The following RAB10 variants were observed in gnomAD, a reference collection of about 807,000 sequenced individuals.
RAB10 encodes the protein ras-related protein Rab-10.
In RAB10, 5 loss-of-function variants were observed where a neutral mutation model predicts 25.7. The ratio of observed to expected loss-of-function variants is 0.19; its 90% CI spans 0.10 to 0.41. RAB10 has a LOEUF of 0.41. Ranked by LOEUF, RAB10 falls within the 10% of genes least tolerant of loss-of-function variation. The pLI, the probability that RAB10 is intolerant of heterozygous loss-of-function variation, is 1.00. For missense variants in RAB10, 103 were observed against 245.8 expected, an observed-to-expected ratio of 0.42 and a Z score of 3.89; for synonymous variants, 89 against 86.4, an observed-to-expected ratio of 1.03 and a Z score of -0.16.
intron 3 of RAB10, among the ~76,000 whole-genome samples, chr2:26,121,620 T>C (rs866006333): frequency 6.6e-6 from 1 of 152,216 alleles, no homozygotes; most frequent in African/African-American, 2.4e-5. Flanking sequence ...AAGTATATTA[T>C]GAATGTCTAA....
chr2:26,086,707 C>T (rs6712521), intron 1 of RAB10, among the ~76,000 whole-genome samples: 4,305 of 152,180 alleles, frequency 0.028, 210 homozygotes, highest in African/African-American at 0.099. Context: ...TCATAAAAGC[C>T]AAAAGGTGGA....
At chr2:26,109,040 C>A (rs1265046597) in intron 2 of RAB10, among the ~76,000 whole-genome samples, 2 of 151,678 alleles carry the variant, frequency 1.3e-5, no homozygotes, top group Admixed American at 1.3e-4. Flanking sequence ...GCCTCCCGAG[C>A]AGGTGGGATT....
chr2:26,075,015 T>C (rs1007328818), intron 1 of RAB10, among the ~76,000 whole-genome samples: 4 of 152,192 alleles, frequency 2.6e-5, no homozygotes, highest in Non-Finnish European at 5.9e-5. Flanking sequence ...GTCGAAGTTC[T>C]TCTCTCACAT....
intron 1 of RAB10, among the ~76,000 whole-genome samples, chr2:26,083,578 C>T (rs1666916820): frequency 6.6e-6 from 1 of 152,094 alleles, no homozygotes; most frequent in Non-Finnish European, 1.5e-5. Context: ...ATTCTTATGC[C>T]ACAGCCTCTG....
chr2:26,094,832 A>C (rs944870048), intron 1 of RAB10, among the ~76,000 whole-genome samples: 21 of 152,008 alleles, frequency 1.4e-4, no homozygotes, highest in African/African-American at 4.8e-4. Context: ...GTGCTGGGAT[A>C]ACGGGCGTGA....
At chr2:26,097,143 G>C (rs999239392) in intron 1 of RAB10, among the ~76,000 whole-genome samples, 1 of 152,166 alleles carries the variant, frequency 6.6e-6, no homozygotes, top group Non-Finnish European at 1.5e-5. Flanking sequence ...CTTAAGCCGG[G>C]AAGTGGAGGT....
In RAB10 at chr2:26,136,528, A is replaced by G. The variant is rs139059682; in HGVS notation, c.*1507A>G. 6.6e-6 allele frequency: 1 copy of G among 152,550 alleles called. No homozygotes were observed. The highest frequency in any genetic ancestry group is 1.9e-4 in the East Asian group (1 of 5,178). The allele number at this position is 152,550 out of a possible 1,614,324, so 9.4% of individuals were successfully genotyped here. A position where few individuals can be genotyped will look rare whatever the true frequency, so the allele number is the denominator to read the frequency against. On this transcript the variant is annotated 3_prime_UTR_variant, in exon 6 of 6. Transcript: ENST00000264710. ...TCTAACCCTGTCCTTTTTTCACTGC[A>G]TTTTTTCTAGTTTTGCTTCATTGCT...
chr2:26,062,294 T>C (rs1315046523), intron 1 of RAB10, among the ~76,000 whole-genome samples: 1 of 152,192 alleles, frequency 6.6e-6, no homozygotes, highest in African/African-American at 2.4e-5. Flanking sequence ...AGTGTAATTT[T>C]GGTGGCAATA....
intron 1 of RAB10, among the ~76,000 whole-genome samples, chr2:26,053,814 G>A (rs1287807634): frequency 2.0e-5 from 3 of 151,948 alleles, no homozygotes; most frequent in Non-Finnish European, 4.4e-5. Context: ...CTGCCTTCCG[G>A]GTTCAAGCGA....
At chr2:26,037,957 G>A (rs1018707904) in intron 1 of RAB10, among the ~76,000 whole-genome samples, 1 of 151,904 alleles carries the variant, frequency 6.6e-6, no homozygotes, top group Non-Finnish European at 1.5e-5. Context: ...TGTGATCTCG[G>A]CTCACTGCAA....
Position 26,107,014 on chromosome 2 carries a change from G to A in RAB10, c.189-2754G>A, listed in dbSNP as rs1245008952. On this transcript the variant is annotated intron_variant, in intron 2 of 5. Coordinates refer to ENST00000264710, the MANE Select transcript of RAB10 (RefSeq NM_016131.5). Reference sequence around the variant, plus strand: ...TAACCCCAGCACTTTGGGAAGCTGAGGCGGGCAGATCATCTGAGGCCAGGA... The same window carrying A: ...TAACCCCAGCACTTTGGGAAGCTGAAGCGGGCAGATCATCTGAGGCCAGGA... Among the ~76,000 whole-genome samples, 6 of 152,112 alleles carry A rather than the reference G, an allele frequency of 3.9e-5. No homozygotes were observed. In the East Asian group the frequency reaches 1.2e-3, roughly 29 times the overall value.
intron 3 of RAB10, among the ~76,000 whole-genome samples, chr2:26,119,889 A>C (rs1362871941): frequency 1.3e-5 from 2 of 152,244 alleles, no homozygotes; most frequent in Non-Finnish European, 2.9e-5. Flanking sequence ...TGTATAAAGA[A>C]TTATACCTAT....
rs941733397 is a variant in RAB10, at chr2:26,057,919, C to T, written c.127+23184C>T. Among the ~76,000 whole-genome samples, 20 of 152,204 alleles carry T rather than the reference C, an allele frequency of 1.3e-4. No homozygotes were observed. In the Middle Eastern group the frequency reaches 0.01, roughly 78 times the overall value. On this transcript the variant is annotated intron_variant, in intron 1 of 5. Coordinates refer to ENST00000264710, the MANE Select transcript of RAB10 (RefSeq NM_016131.5). ...GATTACAGGTGTGAGCCACCATGCC[C>T]GGCCTAAAGGCTAGTTTTAAAGTCT...
At chr2:26,076,935 G>GA (rs978711938) in intron 1 of RAB10, among the ~76,000 whole-genome samples, 72 of 119,512 alleles carry the variant, frequency 6.0e-4, no homozygotes, top group East Asian at 4.9e-4. Flanking sequence ...CAAGAGCGAG[G>GA]AAAAAAAAAG....
At chr2:26,123,268 G>A (rs946825199) in intron 3 of RAB10, among the ~76,000 whole-genome samples, 3 of 152,154 alleles carry the variant, frequency 2.0e-5, no homozygotes, top group Admixed American at 1.3e-4. Context: ...GTTTAACACC[G>A]AAAACATTGA....
intron 1 of RAB10, among the ~76,000 whole-genome samples, chr2:26,044,890 A>C (rs1665964704): frequency 1.3e-5 from 2 of 151,860 alleles, no homozygotes; most frequent in African/African-American, 4.8e-5. Context: ...TCATAACCAC[A>C]TTGCTCATTC....
At chr2:26,097,274 T>G (rs1667242553) in intron 1 of RAB10, among the ~76,000 whole-genome samples, 1 of 151,958 alleles carries the variant, frequency 6.6e-6, no homozygotes, top group Admixed American at 6.5e-5. Context: ...CTCAATACTC[T>G]TTTCTTTGTT....
rs551346093 is a variant in RAB10 at position 26,038,475 on chromosome 2, C to A, written c.127+3740C>A. Among the ~76,000 whole-genome samples the A allele has an allele frequency of 2.0e-5, 3 of 152,144 alleles. No homozygotes were observed. In the South Asian group the frequency reaches 6.2e-4, roughly 32 times the overall value. On this transcript the variant is annotated intron_variant, in intron 1 of 5. Transcript: ENST00000264710. ...CCTCCCAAACTGCTGGGATTACAGG[C>A]ATGAGCCACTGCGCCCAGCCTAGAC... is the stretch of plus-strand genomic sequence containing the variant.
intron 1 of RAB10, among the ~76,000 whole-genome samples, chr2:26,040,070 T>G (rs143045293): frequency 7.4e-4 from 112 of 152,302 alleles, no homozygotes; most frequent in African/African-American, 2.7e-3. Context: ...AAGTAGCCAG[T>G]TGGTCAACGT....
Sources: allele counts gnomAD v4.1 joint callset (sites outside exome capture counted in the v4.1 genomes callset), GRCh38; gene constraint gnomAD v4.1.1; transcripts MANE v1.5; gene names NCBI Gene and HGNC (gene_info 2026-07-23, HGNC 2026-07-21).